Variants in SLC25A17 observed in about 807,000 individuals in gnomAD.
SLC25A17 encodes the protein solute carrier family 25 member 17, also known as peroxisomal membrane protein PMP34.
Under a neutral mutation model 38.5 loss-of-function variants are expected in SLC25A17, and 26 were observed. The ratio of observed to expected loss-of-function variants is 0.68; its 90% CI spans 0.50 to 0.94. SLC25A17 has a LOEUF of 0.94. Among genes scored for constraint, SLC25A17 ranks in the 40% least tolerant of loss-of-function variants. The pLI is 0.00. For missense variants in SLC25A17, 333 were observed against 372.7 expected, an observed-to-expected ratio of 0.89 and a Z score of 0.88; for synonymous variants, 139 against 136.2, an observed-to-expected ratio of 1.02 and a Z score of -0.14.
chr22:40,788,468 A>C (rs2057357164), intron 4 of SLC25A17, among the ~76,000 whole-genome samples: 1 of 152,194 alleles, frequency 6.6e-6, no homozygotes, highest in African/African-American at 2.4e-5. Flanking sequence ...CAACGCAGAC[A>C]GATCACGAGG....
chr22:40,795,545 C>G (rs913710038), intron 2 of SLC25A17, among the ~76,000 whole-genome samples: 3 of 152,182 alleles, frequency 2.0e-5, no homozygotes, highest in African/African-American at 7.2e-5. Flanking sequence ...CCGTCTTGGC[C>G]TCCCAAAGTG....
At chr22:40,783,630 C>G (rs930001865) in intron 4 of SLC25A17, among the ~76,000 whole-genome samples, 1 of 151,440 alleles carries the variant, frequency 6.6e-6, no homozygotes, top group Non-Finnish European at 1.5e-5. Flanking sequence ...TAATTTTTTA[C>G]CATTCCCAGC....
intron 5 of SLC25A17, among the ~76,000 whole-genome samples, chr22:40,778,459 A>G (rs2057265563): frequency 6.6e-6 from 1 of 152,218 alleles, no homozygotes; most frequent in Non-Finnish European, 1.5e-5. Context: ...TGAGACTGTC[A>G]GGCTACGGTC....
In SLC25A17 at chr22:40,774,006, C is replaced by G. The variant is rs1429016274; in HGVS notation, c.707G>C (p.Arg236Thr). The change falls in exon 8 of 9, where the codon AGA (arginine) becomes ACA (threonine). Residue 236 changes from arginine to threonine, a missense_variant. By Grantham distance (71) the Arg-to-Thr change is moderately conservative. Coordinates refer to ENST00000435456, the MANE Select transcript of SLC25A17 (RefSeq NM_006358.4). Reference sequence around the variant, plus strand: ...CAATGTTCTGTTTTCTGGGTTTAGTCTATGACGCCCAAACTGAGGAAAGAG... The same window carrying G: ...CAATGTTCTGTTTTCTGGGTTTAGTGTATGACGCCCAAACTGAGGAAAGAG... ...VQSILRFGRH[R>T]LNPENRTLGS... 1 of 1,610,940 alleles carries G rather than the reference C, an allele frequency of 6.2e-7. No individual in the cohort carries two copies. The highest frequency in any genetic ancestry group is 1.1e-5 in the South Asian group (1 of 91,002).
intron 2 of SLC25A17, among the ~76,000 whole-genome samples, chr22:40,795,336 A>T (rs2057419325): frequency 6.6e-6 from 1 of 151,340 alleles, no homozygotes; most frequent in Non-Finnish European, 1.5e-5. Flanking sequence ...TCTGTCACCC[A>T]GGCTGGAGTG....
intron 1 of SLC25A17, among the ~76,000 whole-genome samples, chr22:40,809,531 C>A (rs2057559919): frequency 6.6e-6 from 1 of 151,698 alleles, no homozygotes; most frequent in Admixed American, 6.6e-5. Context: ...ACTTGGGAAG[C>A]TGAAGTGGGA....
At chr22:40,805,785 A>G (rs1487360891) in intron 1 of SLC25A17, among the ~76,000 whole-genome samples, 1 of 152,202 alleles carries the variant, frequency 6.6e-6, no homozygotes, top group Non-Finnish European at 1.5e-5. Context: ...TGAGACCCAC[A>G]TCAGTCTGAT....
At chr22:40,809,544 A>C (rs1329657983) in intron 1 of SLC25A17, among the ~76,000 whole-genome samples, 1 of 152,072 alleles carries the variant, frequency 6.6e-6, no homozygotes. Flanking sequence ...AAGTGGGAGA[A>C]TTGCTTGAGC....
At chr22:40,776,555 A>C (rs2057245666) in intron 7 of SLC25A17, among the ~76,000 whole-genome samples, 1 of 152,240 alleles carries the variant, frequency 6.6e-6, no homozygotes, top group Non-Finnish European at 1.5e-5. Context: ...TGCAAACTTC[A>C]TTCTAAACCA....
At chr22:40,819,163 G>C (rs377363631) in intron 1 of SLC25A17, 32 bp downstream of exon 1, 262 of 1,612,462 alleles carry the variant, frequency 1.6e-4, no homozygotes, top group South Asian at 4.9e-4. Flanking sequence ...CTTATAACCC[G>C]TTGCGGCCCG....
At chr22:40,787,338 C>T (rs762068971) in intron 4 of SLC25A17, among the ~76,000 whole-genome samples, 5 of 152,222 alleles carry the variant, frequency 3.3e-5, no homozygotes, top group Non-Finnish European at 7.3e-5. Flanking sequence ...GCTTTCCCTA[C>T]AGTAACAGAT....
At chr22:40,815,935 C>T (rs1452299693) in intron 1 of SLC25A17, among the ~76,000 whole-genome samples, 1 of 152,068 alleles carries the variant, frequency 6.6e-6, no homozygotes, top group Non-Finnish European at 1.5e-5. Context: ...GCCTGTAATC[C>T]CAGCACTTTG....
At chr22:40,813,580 C>T (rs1368763728) in intron 1 of SLC25A17, among the ~76,000 whole-genome samples, 1 of 151,700 alleles carries the variant, frequency 6.6e-6, no homozygotes, top group Non-Finnish European at 1.5e-5. Context: ...AAAGATTAGC[C>T]GGGTGTGGTG....
chr22:40,798,660 T>TAAAAAAA (rs10640211), intron 2 of SLC25A17, among the ~76,000 whole-genome samples: 49 of 74,322 alleles, frequency 6.6e-4, no homozygotes, highest in East Asian at 1.8e-3. Flanking sequence ...CACACATACA[T>TAAAAAAA]AAAAAAAAAA....
intron 2 of SLC25A17, among the ~76,000 whole-genome samples, chr22:40,795,138 G>A (rs1225125686): frequency 3.3e-5 from 5 of 152,198 alleles, no homozygotes; most frequent in African/African-American, 9.6e-5. Context: ...TCACCTTTGA[G>A]CTCCCTAGGT....
chr22:40,773,244 C>T (rs2057203399), intron 8 of SLC25A17, among the ~76,000 whole-genome samples: 2 of 151,856 alleles, frequency 1.3e-5, no homozygotes, highest in Non-Finnish European at 2.9e-5. Flanking sequence ...CCCATCTCTA[C>T]TAAAAAATAC....
intron 7 of SLC25A17, among the ~76,000 whole-genome samples, chr22:40,775,873 C>T (rs1017732823): frequency 6.6e-6 from 1 of 152,112 alleles, no homozygotes; most frequent in Admixed American, 6.6e-5. Flanking sequence ...TTCCTGAGGC[C>T]CCCCAGCCAT....
chr22:40,779,377 T>G, intron 4 of SLC25A17: 1 of 905,478 alleles, frequency 1.1e-6, no homozygotes, highest in Admixed American at 2.9e-5. Context: ...GTTCCCTCAT[T>G]TGTACAACAG....
At chr22:40,814,498 T>C (rs1363788932) in intron 1 of SLC25A17, among the ~76,000 whole-genome samples, 1 of 151,842 alleles carries the variant, frequency 6.6e-6, no homozygotes, top group East Asian at 1.9e-4. Context: ...TGATTTACAA[T>C]ATTGACTGAC....
Sources: allele counts gnomAD v4.1 joint callset (sites outside exome capture counted in the v4.1 genomes callset), GRCh38; gene constraint gnomAD v4.1.1; transcripts MANE v1.5; gene names NCBI Gene and HGNC (gene_info 2026-07-23, HGNC 2026-07-21).